The following FAM228B variants were observed in gnomAD, a reference collection of about 807,000 sequenced individuals.
FAM228B encodes the protein family with sequence similarity 228 member B, also known as protein FAM228B.
In FAM228B, 38 loss-of-function variants were observed where a neutral mutation model predicts 42.6. The ratio of observed to expected loss-of-function variants is 0.89; its 90% confidence interval spans 0.69 to 1.17. FAM228B has a LOEUF of 1.17. Among genes scored for constraint, FAM228B ranks in the 50% most tolerant of loss-of-function variants. The pLI, the probability that FAM228B is intolerant of heterozygous loss-of-function variation, is 0.00. For missense variants in FAM228B, 344 were observed against 367.3 expected, an observed-to-expected ratio of 0.94 and a Z score of 0.52; for synonymous variants, 109 against 122.3, an observed-to-expected ratio of 0.89 and a Z score of 0.72.
intron 2 of FAM228B, among the ~76,000 whole-genome samples, chr2:24,088,899 G>A (rs561639577): frequency 6.6e-6 from 1 of 152,258 alleles, no homozygotes; most frequent in East Asian, 1.9e-4. Flanking sequence ...TTGAATTGTG[G>A]AACACCCAGC....
chr2:24,077,722 G>C lies in FAM228B; in HGVS notation c.-290+753G>C, dbSNP rs1207847748. The stretch of plus-strand genomic sequence containing the variant: ...GGGCCCTCCGTGGAGAAGTGAGGCA[G>C]AATTTGCTCCGTGAAAGCATTCACC... On this transcript the variant is annotated intron_variant, in intron 1 of 10. Coordinates refer to the FAM228B transcript ENST00000613899. The surrounding 1 kb of genome is among the most constrained non-coding windows in gnomAD (Gnocchi z 5.5). The C allele has an allele frequency of 6.2e-7, 1 of 1,614,024 alleles. No individual in the cohort carries two copies. Among genetic ancestry groups the C allele is most frequent in the Non-Finnish European group, 8.5e-7 (1 of 1,179,954 alleles).
chr2:24,139,092 G>A (rs12613951), intron 4 of FAM228B, among the ~76,000 whole-genome samples: 68,817 of 151,914 alleles, frequency 0.45, 16,545 homozygotes, highest in East Asian at 0.77. Flanking sequence ...TGAGATGTTT[G>A]ACTAGTAAGC....
chr2:24,084,378 G>A lies in FAM228B; in HGVS notation c.-210+3423G>A. On this transcript the variant is annotated intron_variant, in intron 2 of 10. Coordinates refer to the FAM228B transcript ENST00000613899. The surrounding 1 kb of genome is among the most constrained non-coding windows in gnomAD (Gnocchi z 8.4). The stretch of plus-strand genomic sequence containing the variant: ...GGGCAGGACAGGACAGGGCAGGGCA[G>A]GGCAGGACAGGACAGGGCAGGGCAG... 2.9e-6 allele frequency: 4 copies of A among 1,381,050 alleles called. No individual in the cohort carries two copies. The highest frequency in any genetic ancestry group is 4.0e-6 in the Non-Finnish European group (4 of 991,340). 85.5% of individuals were successfully genotyped at this position (1,381,050 alleles called of 1,614,324 possible).
chr2:24,127,398 A>G (rs903227414), intron 2 of FAM228B, among the ~76,000 whole-genome samples: 7 of 152,206 alleles, frequency 4.6e-5, no homozygotes, highest in Admixed American at 3.3e-4. Context: ...TAATGCTGCT[A>G]TGAACATTTT....
At chr2:24,125,705 C>T (rs1666293104) in intron 2 of FAM228B, among the ~76,000 whole-genome samples, 1 of 152,120 alleles carries the variant, frequency 6.6e-6, no homozygotes, top group Admixed American at 6.5e-5. Flanking sequence ...GGATTACAGG[C>T]CTGCGCCACC....
intron 2 of FAM228B, among the ~76,000 whole-genome samples, chr2:24,094,438 G>C (rs1276453911): frequency 1.3e-5 from 2 of 152,006 alleles, no homozygotes; most frequent in Non-Finnish European, 2.9e-5. Context: ...TAAAAGATAA[G>C]GATTTCTTAT....
At chr2:24,166,766 A>T (rs1208180124) in intron 9 of FAM228B, among the ~76,000 whole-genome samples, 2 of 152,142 alleles carry the variant, frequency 1.3e-5, no homozygotes, top group African/African-American at 4.8e-5. Context: ...AAGTCAGAGG[A>T]GGCTTCTCCT....
At chr2:24,166,383 T>A (rs1202350251) in intron 9 of FAM228B, 1 of 152,142 alleles carries the variant, frequency 6.6e-6, no homozygotes, top group African/African-American at 2.4e-5. Context: ...ATTTCCCCAC[T>A]CCTACCCTTA....
At chr2:24,092,653 C>T (rs983267463) in intron 2 of FAM228B, among the ~76,000 whole-genome samples, 1 of 151,986 alleles carries the variant, frequency 6.6e-6, no homozygotes, top group Non-Finnish European at 1.5e-5. Context: ...AGGAGTTTGT[C>T]CTGTAGAAAT....
At chr2:24,108,125 C>T (rs1665729478) in intron 3 of FAM228B, among the ~76,000 whole-genome samples, 2 of 152,248 alleles carry the variant, frequency 1.3e-5, no homozygotes, top group East Asian at 1.9e-4. Flanking sequence ...TACAAAACAC[C>T]TTTAGAGACT....
At chr2:24,138,776 G>A (rs991451077) in intron 4 of FAM228B, among the ~76,000 whole-genome samples, 6 of 151,300 alleles carry the variant, frequency 4.0e-5, no homozygotes, top group East Asian at 2.0e-4. Flanking sequence ...GTGATACCCC[G>A]TCTCTCCTAA....
intron 1 of FAM228B, chr2:24,079,443 C>T: frequency 6.2e-7 from 1 of 1,613,974 alleles, no homozygotes; most frequent in Non-Finnish European, 8.5e-7. Context: ...TCATCACTCA[C>T]CTTATTGTCC....
intron 5 of FAM228B, among the ~76,000 whole-genome samples, chr2:24,143,652 T>C (rs1666818136): frequency 6.6e-6 from 1 of 152,186 alleles, no homozygotes; most frequent in African/African-American, 2.4e-5. Context: ...TGTAAAACAG[T>C]GTTACTCTTC....
rs750173103 is a variant in FAM228B at position 24,124,414 on chromosome 2, A to G, written c.53A>G (p.Lys18Arg). The change falls in exon 2 of 11, where the codon AAG becomes AGG. Residue 18 changes from lysine to arginine, a missense_variant. Coordinates refer to ENST00000615575, the MANE Select transcript of FAM228B (RefSeq NM_001145710.2). ...DLVTGTLPKL[K>R]SSKEWLEPKP... The stretch of plus-strand genomic sequence containing the variant: ...GTAACTGGCACACTTCCCAAGCTCA[A>G]GAGCTCAAAAGAATGGTTGGAGCCC... 3 of 1,552,002 alleles carry G rather than the reference A, an allele frequency of 1.9e-6. No individual in the cohort carries two copies. Among genetic ancestry groups the G allele is most frequent in the South Asian group, 1.2e-5 (1 of 84,012 alleles).
intron 2 of FAM228B, among the ~76,000 whole-genome samples, chr2:24,093,619 C>CTTT (rs1476172878): frequency 3.0e-5 from 4 of 133,584 alleles, no homozygotes; most frequent in Admixed American, 2.2e-4. Context: ...CATATGTGTG[C>CTTT]ATTTTTTTTT....
At chr2:24,135,302 A>T (rs1363066005) in intron 3 of FAM228B, 115 bp downstream of exon 3, 4 of 626,740 alleles carry the variant, frequency 6.4e-6, no homozygotes, top group Admixed American at 7.2e-5. Context: ...GAATTAAAAG[A>T]ACACTCCCTT....
chr2:24,155,101 T>C (rs1448849917), intron 7 of FAM228B, among the ~76,000 whole-genome samples: 1 of 152,164 alleles, frequency 6.6e-6, no homozygotes, highest in Admixed American at 6.6e-5. Context: ...TCTGATGGTA[T>C]ATTAAGATGA....
At chr2:24,133,606 C>T (rs6708688) in intron 2 of FAM228B, among the ~76,000 whole-genome samples, 17,923 of 152,192 alleles carry the variant, frequency 0.12, 1,252 homozygotes, top group South Asian at 0.18. Flanking sequence ...AAATCAACTG[C>T]TTCCATTTTC....
At chr2:24,119,695 T>C, upstream of FAM228B, 1 of 1,588,854 alleles carries the variant, frequency 6.3e-7, no homozygotes, top group Non-Finnish European at 8.6e-7. Flanking sequence ...GTATAAAGAA[T>C]ATAAGAGAAT....
Sources: allele counts gnomAD v4.1 joint callset (sites outside exome capture counted in the v4.1 genomes callset), GRCh38; gene constraint gnomAD v4.1.1; non-coding constraint Gnocchi (gnomAD v3.1); transcripts MANE v1.5; gene names NCBI Gene and HGNC (gene_info 2026-07-23, HGNC 2026-07-21).